Variants in RIOK2 observed in about 807,000 individuals in gnomAD.
The protein encoded by RIOK2 is RIO kinase 2, also known as serine/threonine-protein kinase RIO2.
A neutral mutation model predicts 62.4 loss-of-function variants in RIOK2; 46 were observed. The ratio of observed to expected loss-of-function variants is 0.74; its 90% CI spans 0.58 to 0.94. The LOEUF (loss-of-function observed/expected upper bound fraction) is 0.94, where lower values mean the gene tolerates loss of function less well. Among genes scored for constraint, RIOK2 ranks in the 40% least tolerant of loss-of-function variants. RIOK2 has a pLI of 0.00. For synonymous variants in RIOK2, 197 were observed against 216.0 expected (o/e 0.91, Z 0.77); for missense variants, 574 against 658.0 (o/e 0.87, Z 1.40).
chr5:97,170,645 T>C lies in RIOK2; in HGVS notation c.779+561A>G, dbSNP rs1748977325. ...CAAAGGGTTCCATGGCTAAGAAAATTTGACTTTTGAACGTCTGTCAATTTA... is the reference window on the plus strand; with the variant it reads ...CAAAGGGTTCCATGGCTAAGAAAATCTGACTTTTGAACGTCTGTCAATTTA... On this transcript the variant is annotated intron_variant, in intron 6 of 9. Transcript: ENST00000283109. Among the ~76,000 whole-genome samples, 5 of 152,212 alleles carry C rather than the reference T, an allele frequency of 3.3e-5. No individual in the cohort carries two copies. In the South Asian group the frequency reaches 8.3e-4, roughly 25 times the overall value.
rs1452164056 is a variant in RIOK2, at chr5:97,161,302, T to C, written c.*1759A>G. On this transcript the variant is annotated 3_prime_UTR_variant, in exon 10 of 10. Transcript: ENST00000283109. ...ATATACAGCTTTACATTAGTAAAATTTTGAATTTGTTTTTGTTCATTGTTC... is the reference window on the plus strand; with the variant it reads ...ATATACAGCTTTACATTAGTAAAATCTTGAATTTGTTTTTGTTCATTGTTC... The C allele has an allele frequency of 6.6e-6, 1 of 152,222 alleles. No individual in the cohort carries two copies. The highest frequency in any genetic ancestry group is 1.5e-5 in the Non-Finnish European group (1 of 68,020). The allele number at this position is 152,222 out of a possible 1,614,324, so 9.4% of individuals were successfully genotyped here. A position where few individuals can be genotyped will look rare whatever the true frequency, so the allele number is the denominator to read the frequency against.
At position 97,163,207 on chromosome 5, in the gene RIOK2, C is replaced by A. The variant is rs1561514471; in HGVS notation, c.1513G>T (p.Val505Leu). Residue 505 changes from valine to leucine, a missense_variant, in exon 10 of 10, where the codon GTG (valine) becomes TTG (leucine). Coordinates refer to ENST00000283109, the MANE Select transcript of RIOK2 (RefSeq NM_018343.3). Reference protein sequence around the residue: ...TIPPELVKQKVKRQLTKQQKS... With the variant: ...TIPPELVKQKLKRQLTKQQKS... ...TGCTGTTTTGTCAACTGACGTTTCA[C>A]CTTCTGTTTCACCAGTTCCTGGAAA... 1 of 1,613,278 alleles carries A rather than the reference C, an allele frequency of 6.2e-7. No homozygotes were observed. The highest frequency in any genetic ancestry group is 1.7e-5 in the Admixed American group (1 of 59,964).
chr5:97,164,231 T>C (rs933512664), intron 9 of RIOK2, among the ~76,000 whole-genome samples: 1 of 151,786 alleles, frequency 6.6e-6, no homozygotes, highest in African/African-American at 2.4e-5. Context: ...CTGGGCGCAG[T>C]GGCTCACGCC....
chr5:97,162,649 A>G lies in RIOK2; in HGVS notation c.*412T>C, dbSNP rs1748734507. On this transcript the variant is annotated 3_prime_UTR_variant, in exon 10 of 10. Coordinates refer to ENST00000283109, the MANE Select transcript of RIOK2 (RefSeq NM_018343.3). The stretch of plus-strand genomic sequence containing the variant: ...TGAAGTCCTCCAGTTGCCAAATAAA[A>G]TGCAACCAAATTGTCAGCAGAATTT... 6.4e-6 allele frequency: 1 copy of G among 155,774 alleles called. No individual in the cohort carries two copies. Among genetic ancestry groups the G allele is most frequent in the Non-Finnish European group, 1.4e-5 (1 of 70,686 alleles). The allele number at this position is 155,774 out of a possible 1,614,324, so 9.6% of individuals were successfully genotyped here. A position where few individuals can be genotyped will look rare whatever the true frequency, so the allele number is the denominator to read the frequency against.
chr5:97,182,815 C>G, intron 1 of RIOK2: 3 of 281,708 alleles, frequency 1.1e-5, no homozygotes, highest in Admixed American at 4.7e-5. Context: ...CACAGCTGGT[C>G]GGAAGCTCAG....
chr5:97,176,222 A>C (rs970556110), intron 4 of RIOK2: 1 of 152,206 alleles, frequency 6.6e-6, no homozygotes, highest in South Asian at 2.1e-4. Context: ...AGTACAATAC[A>C]TTTTGTTTAC....
intron 6 of RIOK2, 55 bp from the exon 7 acceptor site, chr5:97,168,907 A>G (rs1304964799): frequency 1.9e-6 from 2 of 1,064,164 alleles, no homozygotes; most frequent in East Asian, 2.5e-5. Context: ...CTTTTTCCTT[A>G]TTAGCCAATG....
Position 97,167,552 on chromosome 5 carries a change from C to T in RIOK2, c.1312G>A (p.Val438Ile). ...TCATACTCGTCAGAGCCAGCAGGGACTCCTCCTTGAACTCTCTGACCATCT... is the reference window on the plus strand; with the variant it reads ...TCATACTCGTCAGAGCCAGCAGGGATTCCTCCTTGAACTCTCTGACCATCT... ...RQDGQRVQGG[V>I]PAGSDEYEDE... The change falls in exon 8 of 10, where the codon GTC (valine) becomes ATC (isoleucine). Residue 438 changes from valine (V) to isoleucine (I), a missense_variant. Physicochemically the swap from Val to Ile is conservative, Grantham distance 29. Coordinates refer to ENST00000283109, the MANE Select transcript of RIOK2 (RefSeq NM_018343.3). 5 of 1,614,190 alleles carry T rather than the reference C, an allele frequency of 3.1e-6. No homozygotes were observed. The highest frequency in any genetic ancestry group is 2.5e-6 in the Non-Finnish European group (3 of 1,179,998).
intron 4 of RIOK2, 36 bp from the exon 5 acceptor site, chr5:97,173,299 A>T: frequency 1.6e-6 from 2 of 1,264,126 alleles, no homozygotes; most frequent in Non-Finnish European, 2.3e-6. Context: ...GCTAATGAAC[A>T]GGTCATTACT....
chr5:97,166,973 T>TG (rs1275590799), intron 8 of RIOK2: 17 of 723,162 alleles, frequency 2.4e-5, no homozygotes, highest in Non-Finnish European at 2.7e-5. Flanking sequence ...TGGAGTGCAG[T>TG]GGTACGATCT....
chr5:97,179,157 C>G lies in RIOK2; in HGVS notation c.103G>C (p.Gly35Arg), dbSNP rs767593628. The G allele has an allele frequency of 1.2e-6, 2 of 1,613,740 alleles. No individual in the cohort carries two copies. The highest frequency in any genetic ancestry group is 2.2e-5 in the South Asian group (2 of 91,052). Residue 35 changes from glycine to arginine, a missense_variant, in exon 2 of 10, where the codon GGC (glycine) becomes CGC (arginine). Transcript: ENST00000283109. The part of the protein sequence containing the change: ...MGMKNHEIVP[G>R]SLIASIASLK... Reference sequence around the variant, plus strand: ...CTGGCTATAGAAGCAATCAAACTGCCGGGAACAATTTCATGGTTCTTCATG... The same window carrying G: ...CTGGCTATAGAAGCAATCAAACTGCGGGGAACAATTTCATGGTTCTTCATG...
intron 4 of RIOK2, among the ~76,000 whole-genome samples, chr5:97,176,829 G>T (rs12186637): frequency 0.14 from 21,763 of 152,094 alleles, 1,911 homozygotes; most frequent in African/African-American, 0.25. Flanking sequence ...ATACATATTT[G>T]TGAGGTAACA....
intron 8 of RIOK2, chr5:97,166,153 T>C (rs1748836841): frequency 6.6e-6 from 2 of 301,474 alleles, no homozygotes; most frequent in Admixed American, 8.2e-5. Flanking sequence ...TCTAGCTTGT[T>C]GACTACAGAT....
At chr5:97,167,347 A>C in intron 8 of RIOK2, 120 bp downstream of exon 8, 1 of 1,484,900 alleles carries the variant, frequency 6.7e-7, no homozygotes, top group South Asian at 1.5e-5. Context: ...TTCATTTTAT[A>C]CATCAAGGTG....
At chr5:97,179,800 T>C (rs1470235836) in intron 1 of RIOK2, among the ~76,000 whole-genome samples, 4 of 8,682 alleles carry the variant, frequency 4.6e-4, no homozygotes, top group Non-Finnish European at 8.1e-4. Context: ...CATCACACAC[T>C]GGGGCCTGTC....
Position 97,177,726 on chromosome 5 carries a change from A to C in RIOK2, c.322+6T>G. 6.6e-7 allele frequency: 1 copy of C among 1,514,040 alleles called. No individual in the cohort carries two copies. 93.8% of individuals were successfully genotyped at this position (1,514,040 alleles called of 1,614,324 possible). On this transcript the variant is annotated splice_donor_region_variant and intron_variant, in intron 3 of 9. Coordinates refer to ENST00000283109, the MANE Select transcript of RIOK2 (RefSeq NM_018343.3). ...AAATACTTTGCACAGTACTATTAGC[A>C]CTTACCTGATTCTTTGCCAACACCC... is the stretch of plus-strand genomic sequence containing the variant.
chr5:97,164,957 C>A (rs1203710434), intron 9 of RIOK2, 94 bp downstream of exon 9: 2 of 672,476 alleles, frequency 3.0e-6, no homozygotes, highest in African/African-American at 1.8e-5. Context: ...GAAGTCTGTA[C>A]CTGAAAGGCA....
At chr5:97,180,160 A>ATATATATG (rs1749364604) in intron 1 of RIOK2, among the ~76,000 whole-genome samples, 1 of 118,818 alleles carries the variant, frequency 8.4e-6, no homozygotes, top group Admixed American at 9.3e-5. Context: ...ATATATATAT[A>ATATATATG]TGTGCTTTTT....
At chr5:97,168,057 T>A in intron 7 of RIOK2, 66 bp from the exon 8 acceptor site, 1 of 1,431,002 alleles carries the variant, frequency 7.0e-7, no homozygotes, top group Non-Finnish European at 9.3e-7. Flanking sequence ...AGCAAATATC[T>A]ACTACTCTGA....
Sources: allele counts gnomAD v4.1 joint callset (sites outside exome capture counted in the v4.1 genomes callset), GRCh38; gene constraint gnomAD v4.1.1; transcripts MANE v1.5; gene names NCBI Gene and HGNC (gene_info 2026-07-23, HGNC 2026-07-21).